Variants in CHODL observed in about 807,000 individuals in gnomAD.
CHODL encodes transmembrane protein MT75.
Under a neutral mutation model 34.5 loss-of-function variants are expected in CHODL, and 29 were observed. That is an observed-to-expected ratio of 0.84 (90% CI 0.63 to 1.15). The LOEUF (loss-of-function observed/expected upper bound fraction) is 1.15, where lower values mean the gene tolerates loss of function less well. CHODL is among the 50% of genes most tolerant of loss of function. CHODL has a pLI of 0.00. For missense variants in CHODL, 332 were observed against 332.5 expected (o/e 1.00, Z 0.01); for synonymous variants, 125 against 116.1 (o/e 1.08, Z -0.49).
chr21:18,195,732 C>T (rs2073579450), intron 2 of CHODL, among the ~76,000 whole-genome samples: 1 of 152,090 alleles, frequency 6.6e-6, no homozygotes, highest in Non-Finnish European at 1.5e-5. Flanking sequence ...TGGGTTTCTT[C>T]CCAATAGAAA....
chr21:18,265,362 G>A (rs560466900), intron 5 of CHODL, among the ~76,000 whole-genome samples: 111 of 151,306 alleles, frequency 7.3e-4, no homozygotes, highest in African/African-American at 2.5e-3. Context: ...GTGAATTAAC[G>A]GCATTCACAG....
At chr21:18,066,344 G>A (rs1214109898) in intron 2 of CHODL, among the ~76,000 whole-genome samples, 1 of 151,894 alleles carries the variant, frequency 6.6e-6, no homozygotes, top group African/African-American at 2.4e-5. Flanking sequence ...TTTTATATCT[G>A]GTTTTTAAAC....
intron 2 of CHODL, among the ~76,000 whole-genome samples, chr21:18,066,706 C>T (rs2064736908): frequency 6.6e-6 from 1 of 152,112 alleles, no homozygotes; most frequent in Non-Finnish European, 1.5e-5. Context: ...TCCTTAGTAC[C>T]TCCGAATGTG....
intron 1 of CHODL, among the ~76,000 whole-genome samples, chr21:17,998,067 C>G (rs899389667): frequency 1.3e-5 from 2 of 152,158 alleles, no homozygotes; most frequent in African/African-American, 4.8e-5. Context: ...GAAAAGCAAG[C>G]TAGTTACTTC....
chr21:18,207,615 C>T (rs908301891), intron 2 of CHODL, among the ~76,000 whole-genome samples: 2 of 137,208 alleles, frequency 1.5e-5, no homozygotes, highest in Admixed American at 1.5e-4. Context: ...GAACTCCCTT[C>T]AGTATTGTAG....
intron 3 of CHODL, among the ~76,000 whole-genome samples, chr21:18,259,551 G>T (rs2074356270): frequency 6.6e-6 from 1 of 152,178 alleles, no homozygotes; most frequent in Admixed American, 6.5e-5. Context: ...AAAATAAAGT[G>T]TGTGGAAATT....
At chr21:18,139,144 G>A (rs2072772031) in intron 2 of CHODL, among the ~76,000 whole-genome samples, 2 of 151,928 alleles carry the variant, frequency 1.3e-5, no homozygotes, top group South Asian at 2.1e-4. Flanking sequence ...AATAAAAACC[G>A]TGTCTATTTG....
Position 18,264,906 on chromosome 21 carries a change from G to A in CHODL, c.738-1048G>A, listed in dbSNP as rs534324229. 1.5e-4 allele frequency among the ~76,000 whole-genome samples: 23 copies of A among 152,064 alleles called. No individual in the cohort carries two copies. The South Asian group carries it at 2.3e-3, about 15-fold the overall frequency. ...AATCAAGTGACTTAGGTGCAGAGCCGGAGAAGCGATGGGAGGAGGGGAATA... is the reference window on the plus strand; with the variant it reads ...AATCAAGTGACTTAGGTGCAGAGCCAGAGAAGCGATGGGAGGAGGGGAATA... On this transcript the variant is annotated intron_variant, in intron 5 of 5. Coordinates refer to ENST00000299295, the MANE Select transcript of CHODL (RefSeq NM_024944.3).
At position 18,187,174 on chromosome 21, in the gene CHODL, C is replaced by T. The variant is rs116904923; in HGVS notation, c.-44-69335C>T. Among the ~76,000 whole-genome samples, 896 of 152,252 alleles carry T rather than the reference C, an allele frequency of 5.9e-3. 4 individuals are homozygous for T. The highest frequency in any genetic ancestry group is 9.8e-3 in the Non-Finnish European group (667 of 67,996). On this transcript the variant is annotated intron_variant, in intron 2 of 6. Transcript: ENST00000400127. The stretch of plus-strand genomic sequence containing the variant: ...AATAGTATTCAGAATTTTTAAATGA[C>T]ATTTCTAGGCTTCATTCAAATCTTC...
chr21:18,213,697 G>T (rs1340528631), intron 2 of CHODL, among the ~76,000 whole-genome samples: 2 of 152,060 alleles, frequency 1.3e-5, no homozygotes, highest in African/African-American at 4.8e-5. Flanking sequence ...TTGAATTATG[G>T]CTGGGTATCT....
intron 1 of CHODL, among the ~76,000 whole-genome samples, chr21:17,995,181 T>A (rs959977191): frequency 1.3e-5 from 2 of 152,018 alleles, no homozygotes; most frequent in Non-Finnish European, 2.9e-5. Flanking sequence ...TATGGTCTGG[T>A]GGGGACTGGG....
intron 2 of CHODL, among the ~76,000 whole-genome samples, chr21:18,222,175 C>CTTCA (rs1157123977): frequency 6.6e-6 from 1 of 152,090 alleles, no homozygotes; most frequent in Non-Finnish European, 1.5e-5. Context: ...GGAGCTCATG[C>CTTCA]TTCAGTTTAG....
At chr21:18,262,727 C>G in intron 4 of CHODL, 64 bp from the exon 5 acceptor site, 1 of 896,072 alleles carries the variant, frequency 1.1e-6, no homozygotes, top group Non-Finnish European at 1.8e-6. Context: ...AACATTCTTA[C>G]ATATTTTTGC....
chr21:17,952,762 A>G (rs564271477), intron 1 of CHODL, among the ~76,000 whole-genome samples: 1 of 152,332 alleles, frequency 6.6e-6, no homozygotes, highest in East Asian at 1.9e-4. Flanking sequence ...CCATTCTCTC[A>G]CTGCTATAAA....
intron 1 of CHODL, among the ~76,000 whole-genome samples, chr21:17,940,326 CAAATG>C (rs1220606354): frequency 1.3e-5 from 2 of 152,052 alleles, no homozygotes; most frequent in Admixed American, 6.5e-5. Flanking sequence ...AATGAAGAAA[CAAATG>C]AATTGAGCTA....
chr21:18,034,076 G>A (rs938988784), intron 2 of CHODL, among the ~76,000 whole-genome samples: 5 of 151,940 alleles, frequency 3.3e-5, no homozygotes, highest in Non-Finnish European at 7.4e-5. Context: ...GACTTGGCAA[G>A]CTTGCCCACT....
At chr21:18,035,409 A>G (rs1157349238) in intron 2 of CHODL, among the ~76,000 whole-genome samples, 1 of 151,950 alleles carries the variant, frequency 6.6e-6, no homozygotes, top group African/African-American at 2.4e-5. Flanking sequence ...ACTGGTTTTA[A>G]GCAATTCGAA....
intron 2 of CHODL, among the ~76,000 whole-genome samples, chr21:18,151,641 C>T (rs555150222): frequency 4.6e-5 from 7 of 152,180 alleles, no homozygotes; most frequent in Admixed American, 1.3e-4. Flanking sequence ...CAACTGATAT[C>T]GGCAGACGGG....
chr21:18,040,968 G>C lies in CHODL; in HGVS notation c.-45+12997G>C, dbSNP rs191705047. ...CATTTTAAGTCAGGAAATAAAAAAA[G>C]AATTAAGCTTTACAATTTACTCTTG... On this transcript the variant is annotated intron_variant, in intron 2 of 6. Coordinates refer to the CHODL transcript ENST00000400127. 1.5e-3 allele frequency among the ~76,000 whole-genome samples: 235 copies of C among 151,970 alleles called. 1 individual carries two copies. Among genetic ancestry groups the C allele is most frequent in the African/African-American group, 5.5e-3 (230 of 41,518 alleles).
Sources: gnomAD v4.1 joint callset for allele counts (sites outside exome capture counted in the v4.1 genomes callset) on GRCh38, gnomAD v4.1.1 for gene constraint, MANE v1.5 for transcripts, NCBI Gene and HGNC (gene_info 2026-07-23, HGNC 2026-07-21) for gene names.